TDRD1: variants seen among roughly 807,000 people sequenced by gnomAD.
TDRD1 encodes the protein tudor domain-containing protein 1.
A neutral mutation model predicts 140.6 loss-of-function variants in TDRD1; 37 were observed. That is an observed-to-expected ratio of 0.26 (90% CI 0.20 to 0.35). The LOEUF is 0.35. TDRD1 is among the 10% of genes least tolerant of loss of function. TDRD1 has a pLI of 1.00. For missense variants in TDRD1, 1,243 were observed against 1,393.0 expected (o/e 0.89, Z 1.71); for synonymous variants, 506 against 475.7 (o/e 1.06, Z -0.83).
intron 21 of TDRD1, 58 bp from the exon 22 acceptor site, chr10:114,225,991 T>A: frequency 6.9e-7 from 1 of 1,444,542 alleles, no homozygotes; most frequent in South Asian, 1.2e-5. Context: ...ATAGCCATCT[T>A]AAAGTAGGAG....
intron 3 of TDRD1, among the ~76,000 whole-genome samples, chr10:114,195,326 G>C (rs1437740264): frequency 1.3e-5 from 2 of 152,160 alleles, no homozygotes; most frequent in Non-Finnish European, 2.9e-5. Flanking sequence ...TGTTGGGTCA[G>C]ACGACCTATA....
At chr10:114,215,135 A>G (rs1418283165) in intron 16 of TDRD1, among the ~76,000 whole-genome samples, 3 of 152,176 alleles carry the variant, frequency 2.0e-5, no homozygotes, top group African/African-American at 4.8e-5. Context: ...GGAATTACAC[A>G]CTATGCGAGC....
At chr10:114,186,934 A>ATT (rs2033580590) in intron 1 of TDRD1, among the ~76,000 whole-genome samples, 1 of 152,138 alleles carries the variant, frequency 6.6e-6, no homozygotes, top group Admixed American at 6.5e-5. Flanking sequence ...ACATTTAGAT[A>ATT]TTACTCATGC....
chr10:114,213,131 C>T (rs767104235), intron 14 of TDRD1, among the ~76,000 whole-genome samples: 2 of 152,078 alleles, frequency 1.3e-5, no homozygotes, highest in African/African-American at 2.4e-5. Flanking sequence ...GGTCTCAAAT[C>T]GGCCTCGGCC....
At chr10:114,193,859 A>G (rs1201542210) in intron 3 of TDRD1, among the ~76,000 whole-genome samples, 3 of 152,152 alleles carry the variant, frequency 2.0e-5, no homozygotes, top group Non-Finnish European at 2.9e-5. Flanking sequence ...GTTCTTTATC[A>G]AGCTGATGAA....
At chr10:114,183,023 C>T (rs1589650929) in intron 1 of TDRD1, among the ~76,000 whole-genome samples, 1 of 152,174 alleles carries the variant, frequency 6.6e-6, no homozygotes, top group East Asian at 1.9e-4. Context: ...TTCTATAAAG[C>T]ACCATGGTGG....
chr10:114,188,494 C>G (rs749120030), intron 2 of TDRD1, among the ~76,000 whole-genome samples: 1 of 152,180 alleles, frequency 6.6e-6, no homozygotes, highest in Non-Finnish European at 1.5e-5. Context: ...ATGCATATAT[C>G]GCAAAGATAT....
Position 114,202,134 on chromosome 10 carries a change from C to G in TDRD1, c.636-104C>G. 4 of 848,022 alleles carry G rather than the reference C, an allele frequency of 4.7e-6. No individual in the cohort carries two copies. In the South Asian group the frequency reaches 6.2e-5, roughly 13 times the overall value. 52.5% of individuals were successfully genotyped at this position (848,022 alleles called of 1,614,324 possible). The stretch of plus-strand genomic sequence containing the variant: ...TGTGATTCTGGAAGAAGCTGTTTTG[C>G]TCTTTCAGGATTTTGTTCATTGAGA... On this transcript the variant is annotated intron_variant, in intron 5 of 25. Coordinates refer to ENST00000251864, the Ensembl canonical transcript of TDRD1.
upstream of TDRD1, among the ~76,000 whole-genome samples, chr10:114,176,636 G>A (rs890111422): frequency 6.6e-6 from 1 of 152,132 alleles, no homozygotes; most frequent in Non-Finnish European, 1.5e-5. This position sits in a 1 kb window ranked among gnomAD's most constrained non-coding sequence, Gnocchi z 4.2. Flanking sequence ...AAGAAATTAT[G>A]GCCAGGCACT....
At chr10:114,228,519 A>C (rs949300246) in intron 25 of TDRD1, 2 of 994,638 alleles carry the variant, frequency 2.0e-6, no homozygotes, top group Non-Finnish European at 2.4e-6. Flanking sequence ...AAATATGTTT[A>C]GCACTTTTTG....
At chr10:114,185,236 T>C (rs1212168412) in intron 1 of TDRD1, among the ~76,000 whole-genome samples, 1 of 152,220 alleles carries the variant, frequency 6.6e-6, no homozygotes, top group Non-Finnish European at 1.5e-5. Context: ...GTTGCCCAGA[T>C]TGGCGTGCAG....
chr10:114,226,929 G>A, intron 22 of TDRD1, 143 bp from the exon 23 acceptor site: 1 of 580,328 alleles, frequency 1.7e-6, no homozygotes. Context: ...TTTGTCTTTT[G>A]TAATGCAACA....
chr10:114,227,407 C>G, intron 23 of TDRD1, 108 bp downstream of exon 23: 1 of 809,906 alleles, frequency 1.2e-6, no homozygotes, highest in African/African-American at 1.7e-5. Flanking sequence ...ACTCTCTCCT[C>G]CTCCTCCACA....
At chr10:114,210,689 G>A (rs763296283) in exon 12 of TDRD1, 1 of 1,613,088 alleles carries the variant, frequency 6.2e-7, no homozygotes. Context: ...GAGTTTTGTG[G>A]TGTGGTTGCC....
chr10:114,213,309 A>T (rs1157533382), intron 14 of TDRD1, 37 bp from the exon 15 acceptor site: 1 of 1,574,412 alleles, frequency 6.4e-7, no homozygotes. Flanking sequence ...AAATGCTTTC[A>T]GAATAATTGT....
At chr10:114,221,135 A>G (rs1222241667) in intron 19 of TDRD1, among the ~76,000 whole-genome samples, 2 of 152,226 alleles carry the variant, frequency 1.3e-5, no homozygotes, top group Non-Finnish European at 1.5e-5. Context: ...CAGGAGTGTA[A>G]TAGTTCAAGG....
intron 14 of TDRD1, among the ~76,000 whole-genome samples, chr10:114,213,067 G>T (rs1056229634): frequency 8.5e-5 from 13 of 152,056 alleles, no homozygotes; most frequent in African/African-American, 1.2e-4. Flanking sequence ...ACAAGCTTTT[G>T]CTTTTTCTTT....
intron 22 of TDRD1, among the ~76,000 whole-genome samples, chr10:114,226,457 G>A (rs1375604580): frequency 6.6e-6 from 1 of 152,224 alleles, no homozygotes; most frequent in African/African-American, 2.4e-5. Context: ...TCAGAGATTC[G>A]GTTTTGCCCC....
chr10:114,220,898 A>G (rs2036102692), intron 19 of TDRD1, 55 bp downstream of exon 19: 5 of 1,330,738 alleles, frequency 3.8e-6, no homozygotes, highest in African/African-American at 1.5e-5. Flanking sequence ...GCTCTCAGAG[A>G]CTATGAAAAA....
Sources: gnomAD v4.1 joint callset for allele counts (sites outside exome capture counted in the v4.1 genomes callset) on GRCh38, gnomAD v4.1.1 for gene constraint, Gnocchi (gnomAD v3.1) non-coding constraint, MANE v1.5 for transcripts, NCBI Gene and HGNC (gene_info 2026-07-23, HGNC 2026-07-21) for gene names.